The following GRK3 variants were observed in gnomAD, a reference collection of about 807,000 sequenced individuals.
GRK3 encodes adrenergic, beta, receptor kinase 2.
In GRK3, 54 loss-of-function variants were observed where a neutral mutation model predicts 95.7. That is an observed-to-expected ratio of 0.56 (90% confidence interval 0.45 to 0.71). The LOEUF is 0.71. Among genes scored for constraint, GRK3 ranks in the 30% least tolerant of loss-of-function variants. The pLI is 0.00. For missense variants in GRK3, 649 were observed against 851.2 expected (o/e 0.76, Z 2.96); for synonymous variants, 281 against 290.8 (o/e 0.97, Z 0.34).
rs144950107 is a variant in GRK3, at chr22:25,665,827, G to A, written c.442-1912G>A. Among the ~76,000 whole-genome samples the A allele has an allele frequency of 4.0e-4, 61 of 152,260 alleles. 1 individual carries two copies. The East Asian group carries it at 0.011, about 28-fold the overall frequency. On this transcript the variant is annotated intron_variant, in intron 5 of 20. Transcript: ENST00000324198. ...ACAAAACTGTTTTTAAAGTAAATAC[G>A]AATGCTTTTTATTAAATTCTTTTTG...
intron 7 of GRK3, among the ~76,000 whole-genome samples, 162 bp downstream of exon 7, chr22:25,672,509 T>C (rs958516408): frequency 6.6e-6 from 1 of 152,242 alleles, no homozygotes; most frequent in Non-Finnish European, 1.5e-5. Context: ...CCTCCCATGC[T>C]TCCTTATAAA....
intron 8 of GRK3, 144 bp downstream of exon 8, chr22:25,674,672 G>A (rs1001480489): frequency 2.5e-5 from 17 of 671,514 alleles, no homozygotes; most frequent in South Asian, 3.9e-5. Flanking sequence ...GCTGTAGGCC[G>A]GGCGTGGTGG....
At chr22:25,668,046 C>G (rs1041020163) in intron 6 of GRK3, among the ~76,000 whole-genome samples, 1 of 152,194 alleles carries the variant, frequency 6.6e-6, no homozygotes, top group African/African-American at 2.4e-5. Flanking sequence ...AAAATATACA[C>G]TGAGGAACCT....
chr22:25,601,326 A>G (rs1410970753), intron 1 of GRK3, among the ~76,000 whole-genome samples: 1 of 152,250 alleles, frequency 6.6e-6, no homozygotes, highest in Non-Finnish European at 1.5e-5. Flanking sequence ...TGACCATGAA[A>G]GAATTAAAGT....
chr22:25,722,522 G>A lies in GRK3; in HGVS notation c.*72G>A. 5 of 1,536,570 alleles carry A rather than the reference G, an allele frequency of 3.3e-6. No homozygotes were observed. Among genetic ancestry groups the A allele is most frequent in the South Asian group, 1.2e-5 (1 of 86,220 alleles). On this transcript the variant is annotated 3_prime_UTR_variant, in exon 21 of 21. Coordinates refer to ENST00000324198, the MANE Select transcript of GRK3 (RefSeq NM_005160.4). Reference sequence around the variant, plus strand: ...AGCCTTTTGGGGTGAACGAGGATGAGGCATCTGATCTATTCGCTACCGGGA... The same window carrying A: ...AGCCTTTTGGGGTGAACGAGGATGAAGCATCTGATCTATTCGCTACCGGGA...
chr22:25,653,904 G>C (rs998822132), intron 3 of GRK3, among the ~76,000 whole-genome samples: 2 of 152,076 alleles, frequency 1.3e-5, no homozygotes, highest in Non-Finnish European at 2.9e-5. Context: ...GGCCAGCCTG[G>C]TCTCGAACTC....
chr22:25,640,905 G>A (rs2084738220), intron 2 of GRK3, among the ~76,000 whole-genome samples: 2 of 152,202 alleles, frequency 1.3e-5, no homozygotes, highest in African/African-American at 4.8e-5. Context: ...TGGAGAAATT[G>A]CAGCGATGAA....
rs749032008 is a variant in GRK3 at position 25,714,525 on chromosome 22, G to A, written c.1609G>A (p.Glu537Lys). 38 of 1,612,708 alleles carry A rather than the reference G, an allele frequency of 2.4e-5. No individual in the cohort carries two copies. The East Asian group carries it at 7.6e-4, about 32-fold the overall frequency. The stretch of plus-strand genomic sequence containing the variant: ...AGTAAATGCAGACACAGATAAAATC[G>A]AGGCCAGGAAGAGAGCTAAAAATAA... The part of the protein sequence containing the change: ...EAVNADTDKI[E>K]ARKRAKNKQL... The change falls in exon 18 of 21, where the codon GAG (glutamate) becomes AAG (lysine). Residue 537 changes from glutamate to lysine, a missense_variant. By Grantham distance (56) the Glu-to-Lys change is moderately conservative (BLOSUM62 1). Coordinates refer to ENST00000324198, the MANE Select transcript of GRK3 (RefSeq NM_005160.4).
chr22:25,605,272 T>C lies in GRK3; in HGVS notation c.190+819T>C, dbSNP rs189187662. Among the ~76,000 whole-genome samples, 307 of 152,198 alleles carry C rather than the reference T, an allele frequency of 2.0e-3. 5 individuals carry two copies. The South Asian group carries it at 0.035, about 17-fold the overall frequency. Reference sequence around the variant, plus strand: ...CTGTGCCTGAGCACTGTGTGGAAAGTGATTGGTCTTTGCCATATAGAGATA... The same window carrying C: ...CTGTGCCTGAGCACTGTGTGGAAAGCGATTGGTCTTTGCCATATAGAGATA... On this transcript the variant is annotated intron_variant, in intron 2 of 20. Coordinates refer to ENST00000324198, the MANE Select transcript of GRK3 (RefSeq NM_005160.4).
At chr22:25,704,075 C>T (rs768015119) in intron 14 of GRK3, 34 bp from the exon 15 acceptor site, 50 of 1,525,502 alleles carry the variant, frequency 3.3e-5, no homozygotes, top group Admixed American at 8.5e-5. Flanking sequence ...GTTTCATGAA[C>T]GGATTTTTGA....
In GRK3 at chr22:25,722,578, C is replaced by T; in HGVS notation, c.*128C>T. 1 of 962,218 alleles carries T rather than the reference C, an allele frequency of 1.0e-6. No individual in the cohort carries two copies. The highest frequency in any genetic ancestry group is 1.5e-6 in the Non-Finnish European group (1 of 662,542). 59.6% of individuals were successfully genotyped at this position (962,218 alleles called of 1,614,324 possible). ...CCAGGCTCCCGAGAGGAGTCGGGAC[C>T]CTTCGGCTTGGGGTCAGCTCAGCTC... On this transcript the variant is annotated 3_prime_UTR_variant, in exon 21 of 21. Coordinates refer to ENST00000324198, the MANE Select transcript of GRK3 (RefSeq NM_005160.4).
chr22:25,592,815 C>T (rs1202094330), intron 1 of GRK3, among the ~76,000 whole-genome samples: 1 of 150,718 alleles, frequency 6.6e-6, no homozygotes, highest in Admixed American at 6.6e-5. Context: ...CCTCCCCCGC[C>T]ATTCATCCCT....
At chr22:25,676,563 C>T (rs532778280) in intron 8 of GRK3, among the ~76,000 whole-genome samples, 5 of 151,896 alleles carry the variant, frequency 3.3e-5, no homozygotes, top group East Asian at 3.9e-4. Flanking sequence ...TTGTCATGGG[C>T]GCCTCTAGTC....
chr22:25,591,102 C>G (rs1416195608), intron 1 of GRK3, among the ~76,000 whole-genome samples: 1 of 152,162 alleles, frequency 6.6e-6, no homozygotes, highest in African/African-American at 2.4e-5. Flanking sequence ...CCCAGTCTCC[C>G]ATACTTCTGC....
At chr22:25,678,236 T>C (rs553684335) in intron 8 of GRK3, among the ~76,000 whole-genome samples, 74 of 152,180 alleles carry the variant, frequency 4.9e-4, no homozygotes, top group African/African-American at 1.8e-3. Context: ...GGGCGGATCA[T>C]GAGGTCAGGA....
chr22:25,697,781 T>TC (rs942141737), intron 13 of GRK3, among the ~76,000 whole-genome samples: 12 of 152,216 alleles, frequency 7.9e-5, no homozygotes, highest in African/African-American at 2.2e-4. Context: ...AGGCTCCTTG[T>TC]CACTGTCTGG....
intron 2 of GRK3, among the ~76,000 whole-genome samples, chr22:25,614,080 A>G (rs1015622071): frequency 6.6e-6 from 1 of 152,150 alleles, no homozygotes; most frequent in African/African-American, 2.4e-5. Context: ...ACTAGAAACT[A>G]TAGGAGCACT....
At chr22:25,593,217 T>A (rs1932557362) in intron 1 of GRK3, among the ~76,000 whole-genome samples, 1 of 152,044 alleles carries the variant, frequency 6.6e-6, no homozygotes. Context: ...GATTGCTGGG[T>A]TGAATGGTAC....
intron 1 of GRK3, among the ~76,000 whole-genome samples, chr22:25,576,777 A>G (rs919586884): frequency 6.6e-6 from 1 of 152,208 alleles, no homozygotes; most frequent in Non-Finnish European, 1.5e-5. Context: ...GGATTTGACT[A>G]GAGGAGCACT....
Sources: gnomAD v4.1 joint callset for allele counts (sites outside exome capture counted in the v4.1 genomes callset) on GRCh38, gnomAD v4.1.1 for gene constraint, MANE v1.5 for transcripts, NCBI Gene and HGNC (gene_info 2026-07-23, HGNC 2026-07-21) for gene names.